The following SORL1 variants were observed in gnomAD, a reference collection of about 807,000 sequenced individuals.
SORL1 encodes the protein sortilin-related receptor.
SORL1 carries 127 observed loss-of-function variants against 273.7 expected under a neutral mutation model. That is an observed-to-expected ratio of 0.46 (90% CI 0.40 to 0.54). The LOEUF (loss-of-function observed/expected upper bound fraction) is 0.54, where lower values mean the gene tolerates loss of function less well. SORL1 is among the 20% of genes least tolerant of loss of function. SORL1 has a pLI of 0.00. For missense variants in SORL1, 2,494 were observed against 2,846.1 expected (o/e 0.88, Z 2.81); for synonymous variants, 1,031 against 1,067.4 (o/e 0.97, Z 0.66).
At chr11:121,579,802 C>G (rs1441504862) in intron 25 of SORL1, among the ~76,000 whole-genome samples, 1 of 152,214 alleles carries the variant, frequency 6.6e-6, no homozygotes, top group African/African-American at 2.4e-5. Flanking sequence ...ACCTCTGTGT[C>G]TTGTTGCTAA....
At chr11:121,585,500 TAC>T (rs58254356) in intron 26 of SORL1, among the ~76,000 whole-genome samples, 3,949 of 137,378 alleles carry the variant, frequency 0.029, 76 homozygotes, top group African/African-American at 0.051. Flanking sequence ...AAAATGTATA[TAC>T]ACACACACAC....
intron 22 of SORL1, among the ~76,000 whole-genome samples, chr11:121,567,783 A>G (rs943481881): frequency 6.6e-6 from 1 of 152,270 alleles, no homozygotes; most frequent in Non-Finnish European, 1.5e-5. Flanking sequence ...CGCCTCCAGC[A>G]TCACGTTTCT....
intron 40 of SORL1, among the ~76,000 whole-genome samples, chr11:121,613,954 G>A (rs1416512725): frequency 6.6e-6 from 1 of 152,242 alleles, no homozygotes; most frequent in African/African-American, 2.4e-5. Flanking sequence ...GCCAGCAGCT[G>A]CTGTAAGTGC....
intron 11 of SORL1, 97 bp from the exon 12 acceptor site, chr11:121,532,367 C>T (rs1466103662): frequency 9.7e-7 from 1 of 1,029,238 alleles, no homozygotes; most frequent in South Asian, 1.4e-5. Flanking sequence ...GCTGTTATGT[C>T]TATGTGCACG....
chr11:121,512,653 C>T lies in SORL1; in HGVS notation c.940-350C>T, dbSNP rs11218314. 5.2e-3 allele frequency among the ~76,000 whole-genome samples: 799 copies of T among 152,308 alleles called. 12 individuals carry two copies. The highest frequency in any genetic ancestry group is 0.017 in the African/African-American group (704 of 41,564). ...TTTGGGGGCCGTAGGCTCCTCCCTGCGTGTTTCTTCAGCCTCATCACACAA... is the reference window on the plus strand; with the variant it reads ...TTTGGGGGCCGTAGGCTCCTCCCTGTGTGTTTCTTCAGCCTCATCACACAA... On this transcript the variant is annotated intron_variant, in intron 6 of 47. Transcript: ENST00000260197.
chr11:121,600,256 C>G (rs1014786603), intron 32 of SORL1, among the ~76,000 whole-genome samples: 3 of 152,120 alleles, frequency 2.0e-5, no homozygotes, highest in Non-Finnish European at 4.4e-5. Flanking sequence ...ATTAAGGTCC[C>G]AAGAGGATCA....
chr11:121,504,323 A>G (rs983527630), intron 6 of SORL1, among the ~76,000 whole-genome samples: 5 of 152,136 alleles, frequency 3.3e-5, no homozygotes, highest in African/African-American at 4.8e-5. Flanking sequence ...GAGGCCGAAG[A>G]ATCTCTTGAA....
chr11:121,528,303 T>C (rs1212141392), intron 11 of SORL1, among the ~76,000 whole-genome samples: 5 of 152,018 alleles, frequency 3.3e-5, no homozygotes, highest in Non-Finnish European at 7.4e-5. Context: ...ACTTTGTCTC[T>C]ACAAAAAATA....
At chr11:121,564,259 C>G (rs1441452904) in intron 21 of SORL1, among the ~76,000 whole-genome samples, 1 of 152,178 alleles carries the variant, frequency 6.6e-6, no homozygotes. Context: ...TGCAGCTCTC[C>G]CATTTTCCAT....
chr11:121,612,854 G>T, intron 40 of SORL1, 22 bp downstream of exon 40: 3 of 1,561,760 alleles, frequency 1.9e-6, no homozygotes, highest in Non-Finnish European at 1.8e-6. Flanking sequence ...GTGCTGGTCA[G>T]TGTGTGTGCA....
chr11:121,522,229 T>A (rs1480950797), intron 9 of SORL1, among the ~76,000 whole-genome samples: 1 of 152,220 alleles, frequency 6.6e-6, no homozygotes, highest in East Asian at 1.9e-4. Context: ...TATGACAAAA[T>A]CATTTCATTT....
At chr11:121,549,005 C>A (rs1862470769) in intron 14 of SORL1, among the ~76,000 whole-genome samples, 1 of 152,102 alleles carries the variant, frequency 6.6e-6, no homozygotes, top group South Asian at 2.1e-4. Context: ...TTTGGAAGGG[C>A]CTTAGAACAT....
chr11:121,519,078 G>T (rs1861996333), intron 8 of SORL1, among the ~76,000 whole-genome samples: 1 of 151,138 alleles, frequency 6.6e-6, no homozygotes, highest in South Asian at 2.1e-4. Context: ...CTCCCAAGTA[G>T]CTGGGACTAC....
At chr11:121,578,565 T>C (rs1411389087) in intron 25 of SORL1, among the ~76,000 whole-genome samples, 1 of 152,224 alleles carries the variant, frequency 6.6e-6, no homozygotes, top group Non-Finnish European at 1.5e-5. Context: ...AGAGATGACC[T>C]CTTCTTTTAC....
At chr11:121,588,542 GC>G in intron 28 of SORL1, among the ~76,000 whole-genome samples, 1 of 152,110 alleles carries the variant, frequency 6.6e-6, no homozygotes, top group East Asian at 1.9e-4. Context: ...GTCACAACTT[GC>G]CCCAATTTGG....
At chr11:121,453,152 A>T (rs1295677367) in intron 1 of SORL1, 1 of 152,066 alleles carries the variant, frequency 6.6e-6, no homozygotes, top group African/African-American at 2.4e-5. Flanking sequence ...TTTAATTTTT[A>T]ATTTTTGGCG....
At chr11:121,615,924 G>T (rs11825063) in intron 41 of SORL1, among the ~76,000 whole-genome samples, 1 of 152,128 alleles carries the variant, frequency 6.6e-6, no homozygotes, top group Non-Finnish European at 1.5e-5. Flanking sequence ...TCAGTGAGGC[G>T]AAGTAACTTG....
intron 12 of SORL1, among the ~76,000 whole-genome samples, chr11:121,532,788 C>T (rs1179001143): frequency 2.6e-5 from 4 of 151,632 alleles, no homozygotes; most frequent in African/African-American, 4.9e-5. Flanking sequence ...TGGGTTGAAG[C>T]GATTCTCCTG....
chr11:121,531,041 C>G (rs1317280746), intron 11 of SORL1, among the ~76,000 whole-genome samples: 1 of 149,604 alleles, frequency 6.7e-6, no homozygotes, highest in East Asian at 2.0e-4. Flanking sequence ...GAATTCTTTT[C>G]TCTCATTCAT....
Sources: gnomAD v4.1 joint callset for allele counts (sites outside exome capture counted in the v4.1 genomes callset) on GRCh38, gnomAD v4.1.1 for gene constraint, MANE v1.5 for transcripts, NCBI Gene and HGNC (gene_info 2026-07-23, HGNC 2026-07-21) for gene names.